Variants in VTI1A observed in about 807,000 individuals in gnomAD.
The protein encoded by VTI1A is vesicle transport through interaction with t-SNAREs 1A, also known as vesicle transport through interaction with t-SNAREs homolog 1A.
In VTI1A, 22 loss-of-function variants were observed where a neutral mutation model predicts 34.9. That is an observed-to-expected ratio of 0.63 (90% CI 0.45 to 0.90). The LOEUF (loss-of-function observed/expected upper bound fraction) is 0.90. Ranked by LOEUF, VTI1A falls within the 40% of genes least tolerant of loss-of-function variation. VTI1A has a pLI of 0.00. For missense variants in VTI1A, 268 were observed against 275.6 expected, an observed-to-expected ratio of 0.97 and a Z score of 0.20; for synonymous variants, 87 against 97.3, an observed-to-expected ratio of 0.89 and a Z score of 0.62.
chr10:112,560,889 G>A (rs1003774677), intron 5 of VTI1A, among the ~76,000 whole-genome samples: 27 of 152,032 alleles, frequency 1.8e-4, no homozygotes, highest in African/African-American at 2.7e-4. Flanking sequence ...GAGCCACCGC[G>A]CCTGGCCAGA....
Position 112,464,538 on chromosome 10 carries a change from C to T in VTI1A, c.154-9C>T, listed in dbSNP as rs781241979. ...TGTTTTAAATCACATTTTTCTTTCC[C>T]TCTTCTAGCTTGAACAGATGGATTT... On this transcript the variant is annotated splice_polypyrimidine_tract_variant and intron_variant, in intron 2 of 7. Transcript: ENST00000393077. The T allele has an allele frequency of 1.2e-6, 2 of 1,606,554 alleles. No individual in the cohort carries two copies. Among genetic ancestry groups the T allele is most frequent in the East Asian group, 2.3e-5 (1 of 44,246 alleles).
intron 5 of VTI1A, among the ~76,000 whole-genome samples, chr10:112,549,586 A>G (rs1589890846): frequency 6.6e-6 from 1 of 152,334 alleles, no homozygotes; most frequent in East Asian, 1.9e-4. Context: ...TTCCAACCAT[A>G]AATATTTTAG....
At chr10:112,473,508 T>G (rs1227315253) in intron 3 of VTI1A, among the ~76,000 whole-genome samples, 1 of 152,194 alleles carries the variant, frequency 6.6e-6, no homozygotes, top group African/African-American at 2.4e-5. Context: ...TTGAGTGATG[T>G]TAGCTAACCT....
At chr10:112,780,730 A>C (rs1852099010) in intron 7 of VTI1A, among the ~76,000 whole-genome samples, 1 of 152,152 alleles carries the variant, frequency 6.6e-6, no homozygotes. Flanking sequence ...CACATGGCTG[A>C]TAGAACCAAA....
chr10:112,455,151 T>TTC (rs1847391657), intron 1 of VTI1A, among the ~76,000 whole-genome samples: 1 of 72,656 alleles, frequency 1.4e-5, no homozygotes, highest in Non-Finnish European at 2.7e-5. Flanking sequence ...TTCAGTTCCC[T>TTC]CCCCTTCCCT....
At chr10:112,691,140 G>A (rs918772782) in intron 7 of VTI1A, among the ~76,000 whole-genome samples, 3 of 151,904 alleles carry the variant, frequency 2.0e-5, no homozygotes, top group Non-Finnish European at 4.4e-5. Flanking sequence ...GTGTGCCTGT[G>A]CTCCCAGCTG....
At chr10:112,803,475 C>A (rs890910051) in intron 7 of VTI1A, among the ~76,000 whole-genome samples, 7 of 152,344 alleles carry the variant, frequency 4.6e-5, no homozygotes, top group Non-Finnish European at 8.8e-5. Flanking sequence ...GAGGCAGTGG[C>A]CGCTTGAATG....
chr10:112,742,334 T>C (rs924914252), intron 7 of VTI1A, among the ~76,000 whole-genome samples: 6 of 152,210 alleles, frequency 3.9e-5, no homozygotes, highest in Admixed American at 1.3e-4. Context: ...TTATTTTAGA[T>C]GTGACATGTG....
At chr10:112,574,730 A>G (rs1319051548) in intron 5 of VTI1A, among the ~76,000 whole-genome samples, 3 of 152,246 alleles carry the variant, frequency 2.0e-5, no homozygotes, top group African/African-American at 7.2e-5. Context: ...ATAAAATCGA[A>G]TGGACATGAC....
At chr10:112,516,623 AAAG>A (rs149728980) in intron 3 of VTI1A, among the ~76,000 whole-genome samples, 19,754 of 152,050 alleles carry the variant, frequency 0.13, 1,354 homozygotes, top group African/African-American at 0.15. Flanking sequence ...TCATATATAA[AAAG>A]AAGGATGAGA....
At chr10:112,735,123 A>G (rs1462091657) in intron 7 of VTI1A, among the ~76,000 whole-genome samples, 2 of 152,348 alleles carry the variant, frequency 1.3e-5, no homozygotes, top group African/African-American at 4.8e-5. Flanking sequence ...TTTAATTCGC[A>G]GAAAATGCAA....
chr10:112,455,878 T>C lies in VTI1A; in HGVS notation c.95-4646T>C, dbSNP rs1589787247. ...TCCACCTCTATTCCAATTTAATTATTTTTTTCGTGAAGGGAAATTTGTCAT... is the reference window on the plus strand; with the variant it reads ...TCCACCTCTATTCCAATTTAATTATCTTTTTCGTGAAGGGAAATTTGTCAT... On this transcript the variant is annotated intron_variant, in intron 1 of 7. Transcript: ENST00000393077. 2.0e-5 allele frequency among the ~76,000 whole-genome samples: 3 copies of C among 152,090 alleles called. No homozygotes were observed. In the East Asian group the frequency reaches 5.8e-4, roughly 29 times the overall value.
rs189666334 is a variant in VTI1A, at chr10:112,535,409, T to C, written c.343-2837T>C. 5.8e-3 allele frequency among the ~76,000 whole-genome samples: 881 copies of C among 152,288 alleles called. 10 individuals carry two copies. Among genetic ancestry groups the C allele is most frequent in the African/African-American group, 0.02 (837 of 41,556 alleles). The stretch of plus-strand genomic sequence containing the variant: ...TCATAGAGAGAATGTTACCCCCATG[T>C]TTCTTAACTTGCAACTGTGCTAAGA... On this transcript the variant is annotated intron_variant, in intron 4 of 7. Transcript: ENST00000393077.
intron 7 of VTI1A, among the ~76,000 whole-genome samples, chr10:112,718,873 T>C (rs1333379917): frequency 6.6e-6 from 1 of 152,254 alleles, no homozygotes; most frequent in Non-Finnish European, 1.5e-5. Flanking sequence ...GTTATTGTTA[T>C]TTAAATGAAC....
chr10:112,706,061 C>T (rs534987446), intron 7 of VTI1A, among the ~76,000 whole-genome samples: 19 of 152,154 alleles, frequency 1.2e-4, no homozygotes, highest in Admixed American at 1.2e-3. Flanking sequence ...GATTCCTTTC[C>T]GTAGCAAACC....
intron 7 of VTI1A, among the ~76,000 whole-genome samples, chr10:112,768,783 T>G (rs952997769): frequency 2.6e-5 from 4 of 152,200 alleles, no homozygotes; most frequent in Admixed American, 6.5e-5. Flanking sequence ...ATTATTAAAT[T>G]TCCTGATTTG....
chr10:112,830,849 ATT>A, the VTI1A span, among the ~76,000 whole-genome samples: 781 of 33,434 alleles, frequency 0.023, 54 homozygotes, highest in African/African-American at 0.09. Flanking sequence ...ATATATATAT[ATT>A]TTTTTTTTTT....
At chr10:112,571,800 A>G (rs1243055344) in intron 5 of VTI1A, among the ~76,000 whole-genome samples, 2 of 152,230 alleles carry the variant, frequency 1.3e-5, no homozygotes, top group African/African-American at 2.4e-5. Context: ...GTGGAATATT[A>G]CATAGCCATA....
chr10:112,841,808 C>T, the VTI1A span, among the ~76,000 whole-genome samples: 1 of 152,274 alleles, frequency 6.6e-6, no homozygotes, highest in East Asian at 1.9e-4. Context: ...GTGTAGTTTC[C>T]AGGAACAGTC....
Sources: allele counts gnomAD v4.1 joint callset (sites outside exome capture counted in the v4.1 genomes callset), GRCh38; gene constraint gnomAD v4.1.1; transcripts MANE v1.5; gene names NCBI Gene and HGNC (gene_info 2026-07-23, HGNC 2026-07-21).